SCEL: variants seen among roughly 807,000 people sequenced by gnomAD.
SCEL encodes the protein sciellin.
Under a neutral mutation model 117.6 loss-of-function variants are expected in SCEL, and 113 were observed. The observed-to-expected ratio is 0.96, with a 90% CI of 0.83 to 1.12. SCEL has a LOEUF of 1.12. SCEL is among the 50% of genes most tolerant of loss of function. SCEL has a pLI of 0.00. For missense variants in SCEL, 785 were observed against 810.8 expected (o/e 0.97, Z 0.39); for synonymous variants, 270 against 256.2 (o/e 1.05, Z -0.51).
At chr13:77,607,541 CAT>C (rs1292066006) in intron 19 of SCEL, among the ~76,000 whole-genome samples, 1 of 152,184 alleles carries the variant, frequency 6.6e-6, no homozygotes, top group East Asian at 1.9e-4. Context: ...GGTTGCATAT[CAT>C]AGATTTTTAA....
intron 1 of SCEL, among the ~76,000 whole-genome samples, chr13:77,538,283 A>G (rs890826628): frequency 6.6e-6 from 1 of 151,642 alleles, no homozygotes; most frequent in Non-Finnish European, 1.5e-5. Flanking sequence ...CACCCGACTA[A>G]TTTTTCTATT....
intron 22 of SCEL, 141 bp from the exon 23 acceptor site, chr13:77,612,750 C>T: frequency 2.0e-6 from 1 of 494,276 alleles, no homozygotes; most frequent in East Asian, 3.5e-5. Context: ...ATAGTAGCCA[C>T]CTGTTTTTAC....
chr13:77,630,223 G>T (rs1448074425), intron 28 of SCEL, among the ~76,000 whole-genome samples: 1 of 151,894 alleles, frequency 6.6e-6, no homozygotes, highest in East Asian at 1.9e-4. Context: ...TTCATTTTGG[G>T]GTACTTTTTC....
chr13:77,585,853 A>G lies in SCEL; in HGVS notation c.546-3291A>G, dbSNP rs573165029. Among the ~76,000 whole-genome samples the G allele has an allele frequency of 2.0e-5, 3 of 151,924 alleles. No individual in the cohort carries two copies. In the South Asian group the frequency reaches 6.3e-4, roughly 32 times the overall value. ...CACTCTTCAGCCTCCCCTCTGAATGATCTCCCACCTTTTTGTTGTGCTCTT... is the reference window on the plus strand; with the variant it reads ...CACTCTTCAGCCTCCCCTCTGAATGGTCTCCCACCTTTTTGTTGTGCTCTT... On this transcript the variant is annotated intron_variant, in intron 9 of 32. Transcript: ENST00000349847.
In SCEL at chr13:77,608,116, G is replaced by A. The variant is rs2088358032; in HGVS notation, c.1217+1G>A. ...CTGAAGTAAAGAGAAGTAACCAAGGGTGAGGACTATGTCTTACCTCTCTTC... is the reference window on the plus strand; with the variant it reads ...CTGAAGTAAAGAGAAGTAACCAAGGATGAGGACTATGTCTTACCTCTCTTC... On this transcript the variant is annotated splice_donor_variant, in intron 20 of 32. Coordinates refer to ENST00000349847, the MANE Select transcript of SCEL (RefSeq NM_144777.3). LOFTEE classifies it high-confidence loss of function. The A allele has an allele frequency of 1.9e-6, 3 of 1,609,784 alleles. No individual in the cohort carries two copies. Among genetic ancestry groups the A allele is most frequent in the Non-Finnish European group, 2.5e-6 (3 of 1,176,576 alleles).
At chr13:77,609,160 T>A (rs1261765975) in intron 21 of SCEL, 43 bp downstream of exon 21, 1 of 1,391,570 alleles carries the variant, frequency 7.2e-7, no homozygotes, top group Non-Finnish European at 9.9e-7. Flanking sequence ...TAGTAACCAA[T>A]GCCTAAAAGT....
intron 9 of SCEL, among the ~76,000 whole-genome samples, chr13:77,580,377 A>G (rs1226758583): frequency 6.6e-6 from 1 of 152,174 alleles, no homozygotes; most frequent in Non-Finnish European, 1.5e-5. Context: ...GAGACTTTTA[A>G]AAGAGTGGTA....
intron 31 of SCEL, among the ~76,000 whole-genome samples, chr13:77,642,496 G>A (rs548257780): frequency 6.6e-6 from 1 of 152,036 alleles, no homozygotes; most frequent in Non-Finnish European, 1.5e-5. Context: ...GTGTTTTTTT[G>A]TTTGTTTGTT....
intron 24 of SCEL, among the ~76,000 whole-genome samples, chr13:77,617,067 C>T (rs913487514): frequency 1.2e-4 from 18 of 152,036 alleles, no homozygotes; most frequent in African/African-American, 4.1e-4. Flanking sequence ...CAAATGGGAG[C>T]GGACAGTTTT....
At chr13:77,537,100 A>G (rs1375005201) in intron 1 of SCEL, among the ~76,000 whole-genome samples, 1 of 152,252 alleles carries the variant, frequency 6.6e-6, no homozygotes, top group Non-Finnish European at 1.5e-5. Context: ...AGAAATGACA[A>G]CAGTAAAAAT....
At chr13:77,570,237 GT>G (rs1321397034) in intron 8 of SCEL, among the ~76,000 whole-genome samples, 5 of 152,170 alleles carry the variant, frequency 3.3e-5, no homozygotes, top group Non-Finnish European at 7.4e-5. Flanking sequence ...GACTGATTCT[GT>G]TTTTTCCTTC....
intron 4 of SCEL, among the ~76,000 whole-genome samples, chr13:77,561,253 A>T (rs188614265): frequency 3.3e-5 from 5 of 152,234 alleles, no homozygotes; most frequent in Non-Finnish European, 7.3e-5. Flanking sequence ...AGTGTGAAAT[A>T]CGCTTCATAT....
chr13:77,593,143 G>C (rs1431758433), intron 11 of SCEL, among the ~76,000 whole-genome samples: 1 of 152,012 alleles, frequency 6.6e-6, no homozygotes, highest in Non-Finnish European at 1.5e-5. Flanking sequence ...TGTTTTCTAT[G>C]TCCTTTTTGT....
intron 28 of SCEL, among the ~76,000 whole-genome samples, chr13:77,630,309 T>A (rs1322740482): frequency 6.6e-6 from 1 of 152,200 alleles, no homozygotes; most frequent in African/African-American, 2.4e-5. Flanking sequence ...AACTAAATGG[T>A]TTGTGACTAT....
intron 8 of SCEL, among the ~76,000 whole-genome samples, chr13:77,571,378 CA>C (rs34247478): frequency 0.71 from 87,790 of 123,854 alleles, 31,157 homozygotes; most frequent in Non-Finnish European, 0.75. Context: ...GACTACATCT[CA>C]AAAAAAAAAA....
rs144926729 is a variant in SCEL at position 77,567,193 on chromosome 13, C to T, written c.291-487C>T. Among the ~76,000 whole-genome samples, 1,480 of 152,320 alleles carry T rather than the reference C, an allele frequency of 9.7e-3. 28 individuals are homozygous for T. Among genetic ancestry groups the T allele is most frequent in the African/African-American group, 0.031 (1,292 of 41,572 alleles). On this transcript the variant is annotated intron_variant, in intron 5 of 32. Coordinates refer to ENST00000349847, the MANE Select transcript of SCEL (RefSeq NM_144777.3). ...TTCAGGCTGGGTGCCTTGGCTCACA[C>T]GTGTAATCTCAGCACTTTAGGAGGT... is the stretch of plus-strand genomic sequence containing the variant.
At chr13:77,589,298 G>A (rs112722142) in intron 10 of SCEL, 74 bp downstream of exon 10, 44 of 1,090,400 alleles carry the variant, frequency 4.0e-5, no homozygotes, top group South Asian at 9.4e-5. Context: ...ACTGTGACCC[G>A]CTGTGGGCAA....
intron 18 of SCEL, 112 bp from the exon 19 acceptor site, chr13:77,604,244 A>G: frequency 3.3e-6 from 2 of 612,468 alleles, no homozygotes; most frequent in South Asian, 5.2e-5. Flanking sequence ...AAAAATTTAC[A>G]TTGATATAGA....
intron 32 of SCEL, among the ~76,000 whole-genome samples, chr13:77,643,420 C>T (rs1250821115): frequency 6.6e-6 from 1 of 152,054 alleles, no homozygotes. Flanking sequence ...AAGAGATGTG[C>T]ACATTGTATG....
Sources: gnomAD v4.1 joint callset for allele counts (sites outside exome capture counted in the v4.1 genomes callset) on GRCh38, gnomAD v4.1.1 for gene constraint, MANE v1.5 for transcripts, NCBI Gene and HGNC (gene_info 2026-07-23, HGNC 2026-07-21) for gene names.